The following NEO1 variants were observed in gnomAD, a reference collection of about 807,000 sequenced individuals.
The protein encoded by NEO1 is neogenin 1.
Under a neutral mutation model 159.7 loss-of-function variants are expected in NEO1, and 63 were observed. The ratio of observed to expected loss-of-function variants is 0.39; its 90% confidence interval spans 0.32 to 0.49. The LOEUF is 0.49. NEO1 is among the 20% of genes least tolerant of loss of function. The pLI is 0.85. For missense variants in NEO1, 1,615 were observed against 1,831.0 expected, an observed-to-expected ratio of 0.88 and a Z score of 2.15; for synonymous variants, 633 against 662.0, an observed-to-expected ratio of 0.96 and a Z score of 0.67.
chr15:73,201,613 A>G, intron 7 of NEO1, among the ~76,000 whole-genome samples: 1 of 152,144 alleles, frequency 6.6e-6, no homozygotes, highest in Non-Finnish European at 1.5e-5. Flanking sequence ...CTATATACTT[A>G]GTAATTTTTT....
intron 7 of NEO1, among the ~76,000 whole-genome samples, chr15:73,227,902 G>C (rs2038681840): frequency 6.6e-6 from 1 of 152,196 alleles, no homozygotes; most frequent in African/African-American, 2.4e-5. Context: ...TTTGAACACT[G>C]TCCTGAGATG....
rs572152696 is a variant in NEO1 at position 73,211,414 on chromosome 15, T to G, written c.1292-24933T>G. On this transcript the variant is annotated intron_variant, in intron 7 of 28. Transcript: ENST00000261908. ...TCTCAGTGAGACTGAGATCAGAGTT[T>G]AGGTGTAGAAAAGTAGGTGGGGCCG... Among the ~76,000 whole-genome samples, 363 of 152,146 alleles carry G rather than the reference T, an allele frequency of 2.4e-3. 1 individual carries two copies. The highest frequency in any genetic ancestry group is 8.4e-3 in the African/African-American group (350 of 41,528).
At chr15:73,275,956 T>C (rs2041400976) in intron 21 of NEO1, among the ~76,000 whole-genome samples, 1 of 152,214 alleles carries the variant, frequency 6.6e-6, no homozygotes, top group African/African-American at 2.4e-5. Flanking sequence ...GAGTCAGAAC[T>C]TGAGGTATCA....
At chr15:73,275,741 C>T (rs1302985519) in intron 21 of NEO1, among the ~76,000 whole-genome samples, 2 of 152,132 alleles carry the variant, frequency 1.3e-5, no homozygotes, top group African/African-American at 4.8e-5. Context: ...ATTCTTGAAA[C>T]CATCTGTCAA....
chr15:73,298,449 T>C lies in NEO1; in HGVS notation c.4003T>C (p.Tyr1335His). 1 of 1,614,230 alleles carries C rather than the reference T, an allele frequency of 6.2e-7. No individual in the cohort carries two copies. The highest frequency in any genetic ancestry group is 8.5e-7 in the Non-Finnish European group (1 of 1,180,044). ...QDPEGATSSS[Y>H]LASSQEEDSG... ...CCCTGAAGGTGCTACCAGCTCCTCT[T>C]ACTTGGCCAGCTCCCAAGAGGAAGA... The change falls in exon 27 of 29, where the codon TAC becomes CAC. Residue 1335 changes from tyrosine to histidine, a missense_variant. Physicochemically the swap from Tyr to His is moderately conservative, Grantham distance 83. This residue lies in a region of NEO1 where 471 missense variants were observed against 498.9 expected (regional missense o/e 0.94). Transcript: ENST00000261908.
At chr15:73,136,855 C>G (rs891626770) in intron 5 of NEO1, among the ~76,000 whole-genome samples, 1 of 152,146 alleles carries the variant, frequency 6.6e-6, no homozygotes, top group Non-Finnish European at 1.5e-5. Flanking sequence ...TTCCCACCCC[C>G]TCAAAACTCC....
intron 2 of NEO1, among the ~76,000 whole-genome samples, chr15:73,120,109 A>G (rs182100407): frequency 4.6e-5 from 7 of 152,168 alleles, no homozygotes; most frequent in African/African-American, 1.7e-4. Flanking sequence ...GCACTCCAGC[A>G]TGGGTGACAG....
Position 73,126,556 on chromosome 15 carries a change from A to G in NEO1, c.864A>G (p.Ala288=). The G allele has an allele frequency of 3.7e-6, 6 of 1,613,318 alleles. No homozygotes were observed. Among genetic ancestry groups the G allele is most frequent in the Non-Finnish European group, 5.1e-6 (6 of 1,179,730 alleles). The change falls in exon 4 of 29, where the codon GCA becomes GCG. Residue 288 remains alanine, a synonymous_variant. Coordinates refer to ENST00000261908, the MANE Select transcript of NEO1 (RefSeq NM_002499.4). ...TTAAATGGATGAAAAATGAGGAGGC[A>G]CTTGACACAGAAAGGTAAGTGTTGT... ...PTIKWMKNEE[A]LDTESSERLV...
rs374652131 is a variant in NEO1, at chr15:73,244,413, C to T, written c.1521C>T (p.Thr507=). 10 of 1,613,980 alleles carry T rather than the reference C, an allele frequency of 6.2e-6. No individual in the cohort carries two copies. The highest frequency in any genetic ancestry group is 3.3e-5 in the Admixed American group (2 of 60,018). The change falls in exon 9 of 29, where the codon ACC becomes ACT. Residue 507 remains threonine, a synonymous_variant. Transcript: ENST00000261908. ...CCATTCAAAACCTAATGCCAGCGAC[C>T]GTGTACATCTTTAGAGTTATGGCTC... ...QVTIQNLMPA[T]VYIFRVMAQN... is the part of the protein sequence containing the mutation.
chr15:73,271,227 T>G (rs543723687), intron 18 of NEO1, among the ~76,000 whole-genome samples: 6 of 152,362 alleles, frequency 3.9e-5, no homozygotes, highest in African/African-American at 9.6e-5. Flanking sequence ...AAATAGACCT[T>G]GAGTTTGCTT....
At chr15:73,133,929 A>C (rs2031443378) in intron 4 of NEO1, among the ~76,000 whole-genome samples, 2 of 152,216 alleles carry the variant, frequency 1.3e-5, no homozygotes, top group South Asian at 4.1e-4. Flanking sequence ...TCAAGTATCA[A>C]CAATATTTTT....
chr15:73,298,535 C>A lies in NEO1; in HGVS notation c.4089C>A (p.Ala1363=), dbSNP rs151042036. The change falls in exon 27 of 29, where the codon GCC becomes GCA. Residue 1363 remains alanine, a synonymous_variant. Transcript: ENST00000261908. ...VRPSHPLKSF[A]VPAIPPPGPP... ...CTTCCCACCCATTGAAGAGCTTCGC[C>A]GTGCCAGCAATCCCGCCTCCAGGAC... 18 of 1,614,056 alleles carry A rather than the reference C, an allele frequency of 1.1e-5. No individual in the cohort carries two copies. Among genetic ancestry groups the A allele is most frequent in the Non-Finnish European group, 8.5e-7 (1 of 1,180,050 alleles).
intron 25 of NEO1, 51 bp downstream of exon 25, chr15:73,289,289 T>A: frequency 6.9e-7 from 1 of 1,446,194 alleles, no homozygotes; most frequent in Non-Finnish European, 9.7e-7. Flanking sequence ...TTCAGTCATG[T>A]AGGGGAACAA....
chr15:73,301,027 T>TA (rs1192425336), intron 27 of NEO1, among the ~76,000 whole-genome samples: 3 of 152,224 alleles, frequency 2.0e-5, no homozygotes, highest in Non-Finnish European at 4.4e-5. Flanking sequence ...TGTCTTACTA[T>TA]AAAGAGAGCT....
At chr15:73,251,966 A>G (rs2040096477) in intron 11 of NEO1, among the ~76,000 whole-genome samples, 1 of 152,236 alleles carries the variant, frequency 6.6e-6, no homozygotes, top group East Asian at 1.9e-4. Context: ...AATGAAGACA[A>G]TGATGACAGA....
At chr15:73,169,216 A>G (rs1596238983) in intron 5 of NEO1, among the ~76,000 whole-genome samples, 1 of 152,290 alleles carries the variant, frequency 6.6e-6, no homozygotes, top group Non-Finnish European at 1.5e-5. Flanking sequence ...GAATTTTGCA[A>G]GTATAATATA....
intron 9 of NEO1, among the ~76,000 whole-genome samples, chr15:73,245,871 G>A (rs975243619): frequency 6.6e-6 from 1 of 151,762 alleles, no homozygotes; most frequent in African/African-American, 2.4e-5. Flanking sequence ...ATGAGCCATC[G>A]CACCCGGCCA....
chr15:73,173,259 G>C (rs566606569), intron 5 of NEO1, among the ~76,000 whole-genome samples: 1 of 152,068 alleles, frequency 6.6e-6, no homozygotes, highest in Non-Finnish European at 1.5e-5. Context: ...TCTGGGGAGT[G>C]GAACACTAAA....
In NEO1 at chr15:73,263,256, C is replaced by T. The variant is rs184319352; in HGVS notation, c.2398+2791C>T. ...TTGCCCAGGCTGGAGGGCAGTGGCG[C>T]GATCTCAGCTCACTGCAACCTCCAC... On this transcript the variant is annotated intron_variant, in intron 15 of 28. Coordinates refer to ENST00000261908, the MANE Select transcript of NEO1 (RefSeq NM_002499.4). Among the ~76,000 whole-genome samples the T allele has an allele frequency of 8.0e-4, 118 of 148,040 alleles. 1 individual carries two copies. The highest frequency in any genetic ancestry group is 2.8e-3 in the African/African-American group (110 of 39,820).
Sources: allele counts gnomAD v4.1 joint callset (sites outside exome capture counted in the v4.1 genomes callset), GRCh38; gene constraint gnomAD v4.1.1; regional missense constraint gnomAD v4.1.1; transcripts MANE v1.5; gene names NCBI Gene and HGNC (gene_info 2026-07-23, HGNC 2026-07-21).